The following TRIM24 variants were observed in gnomAD, a reference collection of about 807,000 sequenced individuals.
TRIM24 encodes tripartite motif containing 24.
Under a neutral mutation model 123.9 loss-of-function variants are expected in TRIM24, and 29 were observed. The observed-to-expected ratio is 0.23, with a 90% confidence interval of 0.17 to 0.32. The LOEUF is 0.32. Ranked by LOEUF, TRIM24 falls within the 10% of genes least tolerant of loss-of-function variation. The pLI, the probability that TRIM24 is intolerant of heterozygous loss-of-function variation, is 1.00. For synonymous variants in TRIM24, 456 were observed against 461.1 expected, an observed-to-expected ratio of 0.99 and a Z score of 0.14; for missense variants, 932 against 1,295.3, an observed-to-expected ratio of 0.72 and a Z score of 4.31.
At chr7:138,514,006 G>A (rs1796342395) in intron 2 of TRIM24, among the ~76,000 whole-genome samples, 1 of 152,178 alleles carries the variant, frequency 6.6e-6, no homozygotes, top group Non-Finnish European at 1.5e-5. Flanking sequence ...TGACAATCAG[G>A]TGAGATAGGA....
At chr7:138,576,486 C>CT (rs1279521921) in intron 13 of TRIM24, 41 bp downstream of exon 13, 1 of 1,563,254 alleles carries the variant, frequency 6.4e-7, no homozygotes, top group Admixed American at 1.7e-5. Flanking sequence ...ATAAAAATCT[C>CT]TAATTAGATT....
rs1395583746 is a variant in TRIM24, at chr7:138,571,297, CAAAG to C, written c.1878+302_1878+305del. ...CTAACAGAGCGAGACCCTGTCTCAA[CAAAG>C]AAAGAAAATTGTTAGTGAATTTGGA... On this transcript the variant is annotated intron_variant, in intron 11 of 18. Transcript: ENST00000343526. Among the ~76,000 whole-genome samples the C allele has an allele frequency of 3.3e-5, 5 of 152,196 alleles. No individual in the cohort carries two copies. The East Asian group carries it at 9.6e-4, about 29-fold the overall frequency.
intron 17 of TRIM24, among the ~76,000 whole-genome samples, chr7:138,583,232 AATG>A (rs1241139460): frequency 6.6e-6 from 1 of 152,244 alleles, no homozygotes; most frequent in African/African-American, 2.4e-5. Flanking sequence ...TTCTACTAGA[AATG>A]ATATTCTTCC....
chr7:138,571,281 C>T (rs143664224), intron 11 of TRIM24, among the ~76,000 whole-genome samples: 342 of 152,272 alleles, frequency 2.2e-3, no homozygotes, highest in African/African-American at 7.7e-3. Context: ...CCTAACAGAG[C>T]GAGACCCTGT....
At chr7:138,515,501 T>C in intron 3 of TRIM24, 142 bp downstream of exon 3, 1 of 1,024,790 alleles carries the variant, frequency 9.8e-7, no homozygotes, top group Non-Finnish European at 1.4e-6. Flanking sequence ...ATTATCGAAA[T>C]TTAAGTACTT....
chr7:138,586,163 A>G lies in TRIM24; in HGVS notation c.*1212A>G, dbSNP rs1368512579. On this transcript the variant is annotated 3_prime_UTR_variant, in exon 19 of 19. Transcript: ENST00000343526. ...AGCATATTCTTAATGTGCCAGACCT[A>G]CCCGGTTCAGCTGATATAGATAGAT... The G allele has an allele frequency of 9.4e-6, 3 of 320,620 alleles. No homozygotes were observed. Among genetic ancestry groups the G allele is most frequent in the Admixed American group, 8.2e-5 (2 of 24,382 alleles). 19.9% of individuals were successfully genotyped at this position (320,620 alleles called of 1,614,324 possible).
At chr7:138,473,458 T>A (rs1438980361) in intron 1 of TRIM24, among the ~76,000 whole-genome samples, 1 of 152,210 alleles carries the variant, frequency 6.6e-6, no homozygotes, top group Non-Finnish European at 1.5e-5. Flanking sequence ...GTGTTGGCCT[T>A]GATCACTTGT....
intron 1 of TRIM24, among the ~76,000 whole-genome samples, chr7:138,472,464 C>A (rs1176415171): frequency 6.6e-6 from 1 of 152,064 alleles, no homozygotes; most frequent in African/African-American, 2.4e-5. Flanking sequence ...GGTGGAATTT[C>A]TGTATTCTGA....
chr7:138,551,931 G>C (rs952421867), intron 8 of TRIM24, among the ~76,000 whole-genome samples: 2 of 152,032 alleles, frequency 1.3e-5, no homozygotes, highest in Non-Finnish European at 2.9e-5. Flanking sequence ...ACTAATTGAA[G>C]TAAAACATAC....
intron 7 of TRIM24, among the ~76,000 whole-genome samples, chr7:138,549,016 C>T (rs1797158180): frequency 2.6e-5 from 4 of 152,112 alleles, no homozygotes. Context: ...TAGGAGTACA[C>T]TCTAAAATAA....
rs1474646329 is a variant in TRIM24 at position 138,554,115 on chromosome 7, A to G, written c.1262-583A>G. Reference sequence around the variant, plus strand: ...TGAGCTGGGGGTTCAGATATTCTTCATTGATAAAGAATGATAATCTCCGGG... The same window carrying G: ...TGAGCTGGGGGTTCAGATATTCTTCGTTGATAAAGAATGATAATCTCCGGG... On this transcript the variant is annotated intron_variant, in intron 8 of 18. Transcript: ENST00000343526. This position sits in a 1 kb window ranked among gnomAD's most constrained non-coding sequence, Gnocchi z 4.5. Among the ~76,000 whole-genome samples the G allele has an allele frequency of 6.6e-6, 1 of 152,152 alleles. No homozygotes were observed. The highest frequency in any genetic ancestry group is 2.4e-5 in the African/African-American group (1 of 41,446).
At chr7:138,536,378 G>A (rs1391471337) in intron 6 of TRIM24, among the ~76,000 whole-genome samples, 1 of 152,212 alleles carries the variant, frequency 6.6e-6, no homozygotes, top group Non-Finnish European at 1.5e-5. Flanking sequence ...TGATGGTGAT[G>A]TACAGATGGG....
At chr7:138,534,893 G>A (rs190247469) in intron 6 of TRIM24, among the ~76,000 whole-genome samples, 312 of 152,260 alleles carry the variant, frequency 2.0e-3, no homozygotes, top group Non-Finnish European at 3.5e-3. Context: ...ATGAATCTGG[G>A]TGCTCCTGTA....
chr7:138,529,037 C>A, intron 5 of TRIM24, 79 bp from the exon 6 acceptor site: 1 of 782,866 alleles, frequency 1.3e-6, no homozygotes, highest in Non-Finnish European at 1.9e-6. Context: ...ACATTTTGGT[C>A]TAATTTAGAC....
intron 2 of TRIM24, among the ~76,000 whole-genome samples, chr7:138,510,540 G>A (rs1424876064): frequency 1.3e-5 from 2 of 152,148 alleles, no homozygotes. Context: ...TTCTGCCTCA[G>A]CCTCCAGAGT....
chr7:138,481,049 A>G (rs750726130), intron 1 of TRIM24, among the ~76,000 whole-genome samples: 1 of 151,878 alleles, frequency 6.6e-6, no homozygotes, highest in Non-Finnish European at 1.5e-5. Flanking sequence ...CTGGAGTGCA[A>G]TGGTGTGATC....
chr7:138,580,506 T>C, intron 15 of TRIM24, 56 bp from the exon 16 acceptor site: 2 of 1,565,458 alleles, frequency 1.3e-6, no homozygotes, highest in South Asian at 2.4e-5. Context: ...GAAAGGGAAA[T>C]AGTGAAGAGA....
chr7:138,479,930 C>G (rs1795489930), intron 1 of TRIM24, among the ~76,000 whole-genome samples: 1 of 151,942 alleles, frequency 6.6e-6, no homozygotes, highest in South Asian at 2.1e-4. Flanking sequence ...GCGATTCTCC[C>G]ACCTCAGCCT....
At chr7:138,512,408 G>A (rs1796309209) in intron 2 of TRIM24, among the ~76,000 whole-genome samples, 1 of 152,174 alleles carries the variant, frequency 6.6e-6, no homozygotes, top group Non-Finnish European at 1.5e-5. Context: ...TACTGCGCGA[G>A]TAGAGGTTCT....
Sources: allele counts gnomAD v4.1 joint callset (sites outside exome capture counted in the v4.1 genomes callset), GRCh38; gene constraint gnomAD v4.1.1; non-coding constraint Gnocchi (gnomAD v3.1); transcripts MANE v1.5; gene names NCBI Gene and HGNC (gene_info 2026-07-23, HGNC 2026-07-21).